Variants in OTOGL observed in about 807,000 individuals in gnomAD.
The protein encoded by OTOGL is otogelin like.
OTOGL carries 285 observed loss-of-function variants against 318.5 expected under a neutral mutation model. The ratio of observed to expected loss-of-function variants is 0.89; its 90% CI spans 0.81 to 0.99. The LOEUF (loss-of-function observed/expected upper bound fraction) is 0.99. Ranked by LOEUF, OTOGL falls within the 50% of genes least tolerant of loss-of-function variation. OTOGL has a pLI of 0.00. For synonymous variants in OTOGL, 987 were observed against 936.5 expected, an observed-to-expected ratio of 1.05 and a Z score of -0.99; for missense variants, 2,899 against 2,845.6, an observed-to-expected ratio of 1.02 and a Z score of -0.43.
At chr12:80,362,253 T>G (rs1411555846) in intron 52 of OTOGL, among the ~76,000 whole-genome samples, 1 of 152,210 alleles carries the variant, frequency 6.6e-6, no homozygotes, top group Non-Finnish European at 1.5e-5. Flanking sequence ...TTTCCTGTTG[T>G]TTGTTCTTGG....
At chr12:80,210,772 C>A in intron 2 of OTOGL, 75 bp from the exon 3 acceptor site, 1 of 1,084,470 alleles carries the variant, frequency 9.2e-7, no homozygotes, top group South Asian at 1.9e-5. Context: ...TTAAAATGTT[C>A]TTTTAAACAA....
At chr12:80,111,911 C>T (rs1037941722) in intron 1 of OTOGL, among the ~76,000 whole-genome samples, 2 of 152,154 alleles carry the variant, frequency 1.3e-5, no homozygotes, top group Admixed American at 6.5e-5. Flanking sequence ...TTTGTGTCCT[C>T]TCTTATTTCC....
At chr12:80,356,679 T>C (rs1233169906) in intron 48 of OTOGL, 128 bp from the exon 49 acceptor site, 2 of 611,634 alleles carry the variant, frequency 3.3e-6, no homozygotes, top group East Asian at 3.2e-5. Flanking sequence ...CTTTCATATA[T>C]ATGTATATAT....
At chr12:80,196,532 C>G (rs1876080960) in intron 1 of OTOGL, among the ~76,000 whole-genome samples, 1 of 152,044 alleles carries the variant, frequency 6.6e-6, no homozygotes, top group Non-Finnish European at 1.5e-5. Flanking sequence ...CCTGCTGGCC[C>G]CTAGGTGTGG....
intron 1 of OTOGL, among the ~76,000 whole-genome samples, chr12:80,198,649 A>T (rs1876251843): frequency 6.6e-6 from 1 of 152,170 alleles, no homozygotes; most frequent in African/African-American, 2.4e-5. Context: ...ACAACTCTCC[A>T]TGGACTTCAC....
chr12:80,238,605 G>C (rs1366575246), intron 9 of OTOGL, among the ~76,000 whole-genome samples: 1 of 152,066 alleles, frequency 6.6e-6, no homozygotes, highest in Non-Finnish European at 1.5e-5. Flanking sequence ...CCTTCCCCAT[G>C]TTGTTTGAAT....
intron 4 of OTOGL, among the ~76,000 whole-genome samples, chr12:80,212,954 C>G (rs1189162744): frequency 1.3e-5 from 2 of 152,022 alleles, no homozygotes; most frequent in Admixed American, 6.6e-5. Context: ...GACCCAGATC[C>G]CAAGAGAGGG....
intron 1 of OTOGL, among the ~76,000 whole-genome samples, chr12:80,104,438 G>A (rs573319990): frequency 1.3e-5 from 2 of 152,330 alleles, no homozygotes; most frequent in South Asian, 4.1e-4. Context: ...GCCAAGAGAG[G>A]CGTGTTCTTT....
chr12:80,205,789 A>G (rs953108602), intron 1 of OTOGL, among the ~76,000 whole-genome samples: 2 of 152,356 alleles, frequency 1.3e-5, no homozygotes, highest in Non-Finnish European at 1.5e-5. Context: ...TTTGTTGTCA[A>G]TTGATGAAAA....
chr12:80,265,397 G>A (rs1882875324), intron 20 of OTOGL, 187 bp downstream of exon 20: 1 of 672,690 alleles, frequency 1.5e-6, no homozygotes, highest in Non-Finnish European at 2.4e-6. Context: ...TGTTGGATAA[G>A]ACCAATAACT....
intron 1 of OTOGL, among the ~76,000 whole-genome samples, chr12:80,205,934 G>A (rs191396703): frequency 2.0e-5 from 3 of 152,266 alleles, no homozygotes; most frequent in Admixed American, 2.0e-4. Context: ...TTGTTTTAAT[G>A]TGTTGGGTTG....
intron 37 of OTOGL, among the ~76,000 whole-genome samples, chr12:80,329,772 A>G (rs1887953320): frequency 6.6e-6 from 1 of 152,156 alleles, no homozygotes; most frequent in African/African-American, 2.4e-5. Context: ...TATTCTTTCC[A>G]TTTATTTGAC....
At position 80,147,128 on chromosome 12, in the gene OTOGL, T is replaced by A. The variant is rs548222816; in HGVS notation, c.-20+47523T>A. ...AATGTGTTTGCTCTTGCTTTTCTAG[T>A]TGTTTTAATTGTGATGTTAGGATGT... is the stretch of plus-strand genomic sequence containing the variant. On this transcript the variant is annotated intron_variant, in intron 1 of 58. Transcript: ENST00000547103. Among the ~76,000 whole-genome samples the A allele has an allele frequency of 5.4e-4, 82 of 152,190 alleles. 2 individuals carry two copies. The South Asian group carries it at 8.1e-3, about 15-fold the overall frequency.
intron 32 of OTOGL, among the ~76,000 whole-genome samples, chr12:80,316,583 A>G (rs1295205543): frequency 6.6e-6 from 1 of 152,186 alleles, no homozygotes; most frequent in African/African-American, 2.4e-5. Flanking sequence ...ATATCAGAGC[A>G]TGAACATGGG....
At chr12:80,272,348 GTGTGTGTGTGT>G (rs1260033156) in intron 24 of OTOGL, among the ~76,000 whole-genome samples, 1 of 3,598 alleles carries the variant, frequency 2.8e-4, no homozygotes, top group Non-Finnish European at 1.8e-3. Context: ...TGTGATGTGT[GTGTGTGTGTGT>G]GTGTGTGTGT....
chr12:80,101,482 T>A (rs1398496454), intron 1 of OTOGL, among the ~76,000 whole-genome samples: 1 of 152,210 alleles, frequency 6.6e-6, no homozygotes, highest in Non-Finnish European at 1.5e-5. Context: ...CTGTTTTATC[T>A]CTTTTCAGCC....
intron 1 of OTOGL, among the ~76,000 whole-genome samples, chr12:80,167,510 C>A (rs1396587039): frequency 6.6e-6 from 1 of 151,816 alleles, no homozygotes; most frequent in Non-Finnish European, 1.5e-5. Context: ...CTATTGAGAA[C>A]CTAAATAAAA....
At chr12:80,180,446 T>A (rs74438902) in intron 1 of OTOGL, among the ~76,000 whole-genome samples, 1 of 152,202 alleles carries the variant, frequency 6.6e-6, no homozygotes, top group Non-Finnish European at 1.5e-5. Flanking sequence ...TCATGTCATA[T>A]GTGGTCCATA....
chr12:80,146,499 G>A (rs1484538135), intron 1 of OTOGL, among the ~76,000 whole-genome samples: 1 of 151,760 alleles, frequency 6.6e-6, no homozygotes, highest in African/African-American at 2.4e-5. Flanking sequence ...TATTCATCAA[G>A]GATATTGGTC....
Sources: allele counts gnomAD v4.1 joint callset (sites outside exome capture counted in the v4.1 genomes callset), GRCh38; gene constraint gnomAD v4.1.1; transcripts MANE v1.5; gene names NCBI Gene and HGNC (gene_info 2026-07-23, HGNC 2026-07-21).